The following C6 variants were observed in gnomAD, a reference collection of about 807,000 sequenced individuals.
C6 encodes complement component C6.
C6 carries 101 observed loss-of-function variants against 112.9 expected under a neutral mutation model. That is an observed-to-expected ratio of 0.89 (90% CI 0.76 to 1.06). C6 has a LOEUF of 1.06. Among genes scored for constraint, C6 ranks in the 50% least tolerant of loss-of-function variants. The pLI is 0.00. For synonymous variants in C6, 431 were observed against 384.1 expected (o/e 1.12, Z -1.43); for missense variants, 1,202 against 1,104.6 (o/e 1.09, Z -1.25).
chr5:41,174,630 A>G lies in C6; in HGVS notation c.1168+1845T>C, dbSNP rs113441752. On this transcript the variant is annotated intron_variant, in intron 8 of 17. Transcript: ENST00000337836. Reference sequence around the variant, plus strand: ...TTTTAACTTGACTATGGGACATTGAACAATAGAGAAATAAATCAATGCATG... The same window carrying G: ...TTTTAACTTGACTATGGGACATTGAGCAATAGAGAAATAAATCAATGCATG... 2.0e-3 allele frequency among the ~76,000 whole-genome samples: 309 copies of G among 152,326 alleles called. 1 individual carries two copies. The highest frequency in any genetic ancestry group is 7.2e-3 in the African/African-American group (300 of 41,580).
chr5:41,158,178 G>A (rs995247881), intron 13 of C6, among the ~76,000 whole-genome samples: 2 of 151,874 alleles, frequency 1.3e-5, no homozygotes, highest in Admixed American at 6.6e-5. Flanking sequence ...AAAAATCATA[G>A]AAACATGTTG....
At chr5:41,254,315 A>C (rs1741545172) in intron 1 of C6, among the ~76,000 whole-genome samples, 1 of 152,182 alleles carries the variant, frequency 6.6e-6, no homozygotes, top group East Asian at 1.9e-4. Context: ...CTGAGGCAGG[A>C]GAATGGCGTG....
At chr5:41,213,876 C>A (rs910752654), upstream of C6, among the ~76,000 whole-genome samples, 2 of 152,052 alleles carry the variant, frequency 1.3e-5, no homozygotes, top group Non-Finnish European at 2.9e-5. Context: ...TCAAAAGAAT[C>A]TACAAACATT....
Position 41,176,607 on chromosome 5 carries a change from G to T in C6, c.1036C>A (p.Pro346Thr). ...TACAAAGCAGAGTTGTATTCTAGAG[G>T]CAGATGGTTAAGTGCTTTCAAAAAG... is the stretch of plus-strand genomic sequence containing the variant. ...DVFLKALNHLPLEYNSALYSR... is the reference protein window; with the variant it reads ...DVFLKALNHLTLEYNSALYSR... Residue 346 changes from proline to threonine, a missense_variant, in exon 8 of 18, where the codon CCT becomes ACT. Physicochemically the swap from Pro to Thr is conservative, Grantham distance 38. Transcript: ENST00000337836. 6.2e-7 allele frequency: 1 copy of T among 1,613,922 alleles called. No homozygotes were observed. The highest frequency in any genetic ancestry group is 8.5e-7 in the Non-Finnish European group (1 of 1,179,892).
intron 9 of C6, among the ~76,000 whole-genome samples, chr5:41,164,130 G>C (rs1322268435): frequency 6.7e-6 from 1 of 149,838 alleles, no homozygotes; most frequent in African/African-American, 2.4e-5. Context: ...GAGGGAGGGA[G>C]AGAGGGAGGG....
chr5:41,155,342 T>A lies in C6; in HGVS notation c.1969-238A>T, dbSNP rs541729381. On this transcript the variant is annotated intron_variant, in intron 13 of 17. Transcript: ENST00000337836. ...ACTTTATAACTGGTCACTCTTCTAA[T>A]CCATCTCCCTAAATTGGTTAGGGTT... Among the ~76,000 whole-genome samples the A allele has an allele frequency of 1.4e-4, 21 of 152,310 alleles. 2 individuals carry two copies. The South Asian group carries it at 4.1e-3, about 30-fold the overall frequency.
At chr5:41,232,087 G>T (rs1439412358) in intron 1 of C6, among the ~76,000 whole-genome samples, 1 of 151,960 alleles carries the variant, frequency 6.6e-6, no homozygotes, top group Non-Finnish European at 1.5e-5. Flanking sequence ...TGTCTTTGTT[G>T]TATCCCTGTA....
At position 41,142,860 on chromosome 5, in the gene C6, T is replaced by G; in HGVS notation, c.2770A>C (p.Met924Leu). 1 of 1,613,624 alleles carries G rather than the reference T, an allele frequency of 6.2e-7. No individual in the cohort carries two copies. Among genetic ancestry groups the G allele is most frequent in the Non-Finnish European group, 8.5e-7 (1 of 1,179,656 alleles). ...CACTTTCCAGGATGCAGTATTTCCA[T>G]CTTCCTGTTTGCACATCTTATAGTT... ...VGTIRCANRK[M>L]EILHPGKCLA Residue 924 changes from methionine (M) to leucine (L), a missense_variant, in exon 18 of 18, where the codon ATG becomes CTG. Met to Leu is a conservative substitution (Grantham distance 15). Transcript: ENST00000337836.
chr5:41,157,201 T>C lies in C6; in HGVS notation c.1968+1473A>G, dbSNP rs536407962. 2.2e-4 allele frequency among the ~76,000 whole-genome samples: 33 copies of C among 152,302 alleles called. 1 individual carries two copies. The South Asian group carries it at 5.6e-3, about 26-fold the overall frequency. ...AGAGCAAAATAAAATAAGAAATGAA[T>C]TTATCCATGAAAATGGGAATATATA... On this transcript the variant is annotated intron_variant, in intron 13 of 17. Coordinates refer to ENST00000337836, the MANE Select transcript of C6 (RefSeq NM_000065.5).
upstream of C6, among the ~76,000 whole-genome samples, chr5:41,213,911 G>T (rs1752090422): frequency 6.6e-6 from 1 of 152,096 alleles, no homozygotes; most frequent in South Asian, 2.1e-4. Context: ...AATTTAGTAT[G>T]ATTTATCAAC....
rs543659377 is a variant in C6, at chr5:41,198,002, G to C, written c.445+1766C>G. ...TTTTCCTATCCATTGGAAGCGATTT[G>C]TGTCACTGCAATAGTATTATTTTTT... On this transcript the variant is annotated intron_variant, in intron 4 of 17. Coordinates refer to ENST00000337836, the MANE Select transcript of C6 (RefSeq NM_000065.5). Among the ~76,000 whole-genome samples, 34 of 152,228 alleles carry C rather than the reference G, an allele frequency of 2.2e-4. 1 individual carries two copies. Among genetic ancestry groups the C allele is most frequent in the African/African-American group, 7.9e-4 (33 of 41,542 alleles).
At chr5:41,203,486 A>G (rs181321694) in intron 1 of C6, 11 of 476,554 alleles carry the variant, frequency 2.3e-5, no homozygotes, top group East Asian at 4.1e-5. Context: ...AGTTTCTTCA[A>G]ACGGTTAGTG....
At position 41,233,934 on chromosome 5, in the gene C6, T is replaced by C. The variant is rs150558509; in HGVS notation, c.-21+27260A>G. 8.8e-3 allele frequency among the ~76,000 whole-genome samples: 1,344 copies of C among 152,214 alleles called. 7 individuals are homozygous for C. Among genetic ancestry groups the C allele is most frequent in the Non-Finnish European group, 0.014 (954 of 67,960 alleles). ...AATAAATATATGACAGCATTAATAG[T>C]ATCAAATATCGCTTAAATGATTTCC... On this transcript the variant is annotated intron_variant, in intron 1 of 17. Transcript: ENST00000263413.
intron 1 of C6, among the ~76,000 whole-genome samples, chr5:41,234,029 G>A (rs1038022627): frequency 6.6e-6 from 1 of 151,970 alleles, no homozygotes; most frequent in Non-Finnish European, 1.5e-5. Context: ...TGCTATATAT[G>A]ATACATAGAT....
intron 1 of C6, among the ~76,000 whole-genome samples, chr5:41,234,829 G>T (rs1374749155): frequency 6.6e-6 from 1 of 151,974 alleles, no homozygotes; most frequent in African/African-American, 2.4e-5. Flanking sequence ...AAATATGAAG[G>T]CACATTTGTA....
At chr5:41,186,485 A>C (rs753075380) in intron 5 of C6, 4 of 402,598 alleles carry the variant, frequency 9.9e-6, no homozygotes, top group Non-Finnish European at 1.8e-5. Context: ...CTGGATTTAT[A>C]ATTTTTTATG....
chr5:41,160,869 A>G lies in C6; in HGVS notation c.1459-502T>C, dbSNP rs566213388. ...ATGAAGAAATAAACTTGCCAGTAGG[A>G]TGAATGGAAGAATTACAGTAACAAA... On this transcript the variant is annotated intron_variant, in intron 10 of 17. Transcript: ENST00000337836. Among the ~76,000 whole-genome samples the G allele has an allele frequency of 3.9e-5, 6 of 152,274 alleles. No homozygotes were observed. The East Asian group carries it at 1.2e-3, about 29-fold the overall frequency.
intron 1 of C6, among the ~76,000 whole-genome samples, chr5:41,209,684 G>C (rs557091740): frequency 1.3e-5 from 2 of 152,266 alleles, no homozygotes; most frequent in African/African-American, 4.8e-5. Flanking sequence ...TCTTCAAGGA[G>C]AACTACAAAC....
intron 5 of C6, among the ~76,000 whole-genome samples, chr5:41,194,386 T>G (rs1750448901): frequency 6.6e-6 from 1 of 152,174 alleles, no homozygotes. Context: ...TGGTTCTAGT[T>G]CTACATTAGA....
Sources: allele counts gnomAD v4.1 joint callset (sites outside exome capture counted in the v4.1 genomes callset), GRCh38; gene constraint gnomAD v4.1.1; transcripts MANE v1.5; gene names NCBI Gene and HGNC (gene_info 2026-07-23, HGNC 2026-07-21).